Variants in LRP1B observed in about 807,000 individuals in gnomAD.
LRP1B encodes LDL receptor related protein 1B, also known as low-density lipoprotein receptor-related protein 1B.
Under a neutral mutation model 556.6 loss-of-function variants are expected in LRP1B, and 217 were observed. That is an observed-to-expected ratio of 0.39 (90% CI 0.35 to 0.44). LRP1B has a LOEUF of 0.44. Ranked by LOEUF, LRP1B falls within the 20% of genes least tolerant of loss-of-function variation. The pLI is 1.00. For synonymous variants in LRP1B, 2,047 were observed against 1,865.8 expected, an observed-to-expected ratio of 1.10 and a Z score of -2.50; for missense variants, 5,053 against 5,620.8, an observed-to-expected ratio of 0.90 and a Z score of 3.23.
At chr2:141,745,613 T>C (rs542721245) in intron 2 of LRP1B, among the ~76,000 whole-genome samples, 33 of 152,092 alleles carry the variant, frequency 2.2e-4, no homozygotes, top group Admixed American at 2.2e-3. Context: ...AGTCCAGAAA[T>C]GCCATCCAAG....
chr2:141,559,506 C>T (rs1686070706), intron 2 of LRP1B, among the ~76,000 whole-genome samples: 1 of 151,592 alleles, frequency 6.6e-6, no homozygotes, highest in Admixed American at 6.6e-5. Flanking sequence ...TATCATTCAT[C>T]CAATTAGATG....
chr2:141,783,803 C>A (rs564462536), intron 2 of LRP1B, among the ~76,000 whole-genome samples: 2 of 151,694 alleles, frequency 1.3e-5, no homozygotes, highest in East Asian at 1.9e-4. Context: ...AAATGAAAAA[C>A]ATTCAATTAC....
chr2:140,922,927 G>C (rs2105257972), intron 21 of LRP1B, 38 bp downstream of exon 21: 1 of 1,584,842 alleles, frequency 6.3e-7, no homozygotes, highest in Non-Finnish European at 8.6e-7. Flanking sequence ...TCCACACTCA[G>C]GGAGACCCAA....
In LRP1B at chr2:140,841,046, A is replaced by T. The variant is rs1692089513; in HGVS notation, c.4986T>A (p.Asn1662Lys). 1 of 1,613,206 alleles carries T rather than the reference A, an allele frequency of 6.2e-7. No homozygotes were observed. Among genetic ancestry groups the T allele is most frequent in the Non-Finnish European group, 8.5e-7 (1 of 1,179,438 alleles). ...CAAATTCTGAGCTAATCCAGTATAA[A>T]TTACGTGACACCCAATCCACTGCTA... is the stretch of plus-strand genomic sequence containing the variant. ...RGLAVDWVSR[N>K]LYWISSEFDE... The change falls in exon 30 of 91, where the codon AAT (asparagine) becomes AAA (lysine). Residue 1662 changes from asparagine (N) to lysine (K), a missense_variant. Asn to Lys is a moderately conservative substitution (Grantham distance 94). Transcript: ENST00000389484.
Position 141,660,493 on chromosome 2 carries a change from C to G in LRP1B, c.205+149786G>C, listed in dbSNP as rs1030236757. ...TCTGGCAGTTCCCCCCCGCTGGTGC[C>G]GCGGAAACTGGGCAGTTTGGACCCA... is the stretch of plus-strand genomic sequence containing the variant. On this transcript the variant is annotated intron_variant, in intron 2 of 90. Transcript: ENST00000389484. Among the ~76,000 whole-genome samples, 22 of 152,074 alleles carry G rather than the reference C, an allele frequency of 1.4e-4. 1 individual carries two copies. The highest frequency in any genetic ancestry group is 6.5e-5 in the Admixed American group (1 of 15,272).
intron 7 of LRP1B, among the ~76,000 whole-genome samples, chr2:141,133,634 A>C (rs1701417864): frequency 6.6e-6 from 1 of 152,068 alleles, no homozygotes. Flanking sequence ...AGGAAGGAAT[A>C]GCTTTTGCTT....
intron 1 of LRP1B, among the ~76,000 whole-genome samples, chr2:142,124,403 C>A (rs1707565883): frequency 6.7e-6 from 1 of 148,954 alleles, no homozygotes; most frequent in Non-Finnish European, 1.5e-5. Context: ...AATGTGACTG[C>A]ATATGAAAAT....
chr2:141,526,300 C>T (rs781519124), intron 2 of LRP1B, among the ~76,000 whole-genome samples: 1 of 151,972 alleles, frequency 6.6e-6, no homozygotes, highest in African/African-American at 2.4e-5. Context: ...TCAGACCCAA[C>T]TTGAAAGACA....
chr2:140,939,338 G>A (rs1695324902), intron 20 of LRP1B, among the ~76,000 whole-genome samples: 1 of 151,572 alleles, frequency 6.6e-6, no homozygotes, highest in South Asian at 2.1e-4. Flanking sequence ...AAAAGCCAAA[G>A]GAGAAGTTTC....
At chr2:141,470,040 A>C (rs1250684391) in intron 3 of LRP1B, among the ~76,000 whole-genome samples, 1 of 151,000 alleles carries the variant, frequency 6.6e-6, no homozygotes, top group Non-Finnish European at 1.5e-5. Flanking sequence ...TAGAAAAAAC[A>C]TAGTCTGTAT....
intron 3 of LRP1B, among the ~76,000 whole-genome samples, chr2:141,282,148 G>A (rs1013705334): frequency 3.9e-5 from 6 of 152,022 alleles, no homozygotes; most frequent in African/African-American, 1.4e-4. Flanking sequence ...AAAGGTAATA[G>A]AGTTACCAGC....
intron 35 of LRP1B, among the ~76,000 whole-genome samples, chr2:140,740,639 T>C (rs1688104834): frequency 6.6e-6 from 1 of 151,386 alleles, no homozygotes; most frequent in Admixed American, 6.6e-5. Flanking sequence ...ACACCACCTG[T>C]TCCCCCAAAA....
At chr2:141,330,172 T>C (rs1380006255) in intron 3 of LRP1B, among the ~76,000 whole-genome samples, 1 of 152,206 alleles carries the variant, frequency 6.6e-6, no homozygotes, top group African/African-American at 2.4e-5. Flanking sequence ...AAATTTGAAC[T>C]TAGTACTATA....
chr2:142,099,138 C>A (rs1423938408), intron 1 of LRP1B, among the ~76,000 whole-genome samples: 1 of 151,820 alleles, frequency 6.6e-6, no homozygotes, highest in Non-Finnish European at 1.5e-5. Flanking sequence ...TTCATCTAAT[C>A]TTCTGTCATA....
chr2:141,991,081 G>T (rs969320562), intron 1 of LRP1B, among the ~76,000 whole-genome samples: 1 of 151,918 alleles, frequency 6.6e-6, no homozygotes, highest in Admixed American at 6.6e-5. Flanking sequence ...CAAATTATTT[G>T]TTCATTTGTA....
intron 2 of LRP1B, among the ~76,000 whole-genome samples, chr2:141,541,785 GAAATGGTC>G (rs959497539): frequency 1.3e-5 from 2 of 152,000 alleles, no homozygotes; most frequent in African/African-American, 4.8e-5. Context: ...TAGATACTTA[GAAATGGTC>G]AAATGTAAGT....
At chr2:141,690,396 A>AATAAATAAAAATATAT (rs5834858) in intron 2 of LRP1B, among the ~76,000 whole-genome samples, 10 of 26,912 alleles carry the variant, frequency 3.7e-4, no homozygotes, top group African/African-American at 1.2e-3. Context: ...TACATCTATA[A>AATAAATAAAAATATAT]ATATATATAT....
In LRP1B at chr2:140,378,270, T is replaced by C. The variant is rs1683322230; in HGVS notation, c.10548A>G (p.Thr3516=). 1.2e-6 allele frequency: 2 copies of C among 1,606,594 alleles called. No individual in the cohort carries two copies. Among genetic ancestry groups the C allele is most frequent in the Admixed American group, 1.7e-5 (1 of 59,920 alleles). ...CATTGGCACAGAGGAAATCTTTCAATGTACATGTCTGTGGCTCTGGGGATA... is the reference window on the plus strand; with the variant it reads ...CATTGGCACAGAGGAAATCTTTCAACGTACATGTCTGTGGCTCTGGGGATA... ...DEENCKPQTC[T]LKDFLCANGD... Residue 3516 remains threonine (T), a synonymous_variant, in exon 68 of 91, where the codon ACA becomes ACG. Transcript: ENST00000389484.
At chr2:140,420,813 T>A (rs963051874) in intron 66 of LRP1B, among the ~76,000 whole-genome samples, 2 of 152,144 alleles carry the variant, frequency 1.3e-5, no homozygotes, top group Non-Finnish European at 2.9e-5. Flanking sequence ...TTCAAGCAAC[T>A]AAGTGGTTAC....
Sources: gnomAD v4.1 joint callset for allele counts (sites outside exome capture counted in the v4.1 genomes callset) on GRCh38, gnomAD v4.1.1 for gene constraint, MANE v1.5 for transcripts, NCBI Gene and HGNC (gene_info 2026-07-23, HGNC 2026-07-21) for gene names.